RNF180: variants seen among roughly 807,000 people sequenced by gnomAD.
RNF180 encodes the protein ring finger protein 180.
Under a neutral mutation model 59.2 loss-of-function variants are expected in RNF180, and 38 were observed. The observed-to-expected ratio is 0.64, with a 90% confidence interval of 0.50 to 0.84. The LOEUF is 0.84. Ranked by LOEUF, RNF180 falls within the 40% of genes least tolerant of loss-of-function variation. RNF180 has a pLI of 0.00. For missense variants in RNF180, 705 were observed against 700.9 expected, an observed-to-expected ratio of 1.01 and a Z score of -0.07; for synonymous variants, 262 against 240.3, an observed-to-expected ratio of 1.09 and a Z score of -0.84.
chr5:64,291,467 C>G lies in RNF180; in HGVS notation c.1228-33719C>G, dbSNP rs1465100439. ...TGAGGCGGAGTCTCGATCTGTTGCC[C>G]AGGCTGGAGTGCAGTGGTGCGATCT... On this transcript the variant is annotated intron_variant, in intron 5 of 7. Transcript: ENST00000389100. Among the ~76,000 whole-genome samples, 79 of 139,238 alleles carry G rather than the reference C, an allele frequency of 5.7e-4. 1 individual carries two copies. Among genetic ancestry groups the G allele is most frequent in the African/African-American group, 2.1e-3 (75 of 36,434 alleles). 91.3% of individuals were successfully genotyped at this position (139,238 alleles called of 152,430 possible). A position where few individuals can be genotyped will look rare whatever the true frequency, so the allele number is the denominator to read the frequency against.
rs532716446 is a variant in RNF180, at chr5:64,214,410, A to G, written c.1084A>G (p.Asn362Asp). Residue 362 changes from asparagine to aspartate, a missense_variant, in exon 4 of 8, where the codon AAT (asparagine) becomes GAT (aspartate). Physicochemically the swap from Asn to Asp is conservative, Grantham distance 23. Coordinates refer to ENST00000389100, the MANE Select transcript of RNF180 (RefSeq NM_001113561.2). ...LSPLDFLHSA[N>D]FSLGSINQRL... ...CCCTCTGGACTTCCTGCACTCAGCC[A>G]ATTTTTCATTGGGCAGCATTAATCA... 1.2e-6 allele frequency: 2 copies of G among 1,614,088 alleles called. No homozygotes were observed. The highest frequency in any genetic ancestry group is 3.3e-5 in the Admixed American group (2 of 59,956).
intron 5 of RNF180, among the ~76,000 whole-genome samples, chr5:64,239,425 G>A (rs912913563): frequency 1.3e-5 from 2 of 152,080 alleles, no homozygotes; most frequent in African/African-American, 2.4e-5. Context: ...TTTGCTGCAC[G>A]TTACATTTTC....
intron 5 of RNF180, among the ~76,000 whole-genome samples, chr5:64,246,517 T>C (rs1450924920): frequency 6.6e-6 from 1 of 152,098 alleles, no homozygotes; most frequent in African/African-American, 2.4e-5. Context: ...CTAGAAGAAA[T>C]GGATAAATTC....
intron 7 of RNF180, among the ~76,000 whole-genome samples, chr5:64,346,662 C>G (rs1745573386): frequency 6.6e-6 from 1 of 151,950 alleles, no homozygotes; most frequent in African/African-American, 2.4e-5. Context: ...GAGCCACTGT[C>G]CCTGGCCTAG....
chr5:64,188,322 C>T (rs922066125), intron 1 of RNF180, among the ~76,000 whole-genome samples: 5 of 151,932 alleles, frequency 3.3e-5, no homozygotes, highest in African/African-American at 1.2e-4. Flanking sequence ...GACATAAGGT[C>T]CTGAGCACTT....
chr5:64,217,397 G>T lies in RNF180; in HGVS notation c.1227+1G>T. 1 of 1,412,812 alleles carries T rather than the reference G, an allele frequency of 7.1e-7. No homozygotes were observed. The allele number at this position is 1,412,812 out of a possible 1,614,324, so 87.5% of individuals were successfully genotyped here. ...AGGAGTGGGATTGCTGGATCATATG[G>T]TAAGTATATATTTACTTATATGAGA... On this transcript the variant is annotated splice_donor_variant, in intron 5 of 7. Coordinates refer to ENST00000389100, the MANE Select transcript of RNF180 (RefSeq NM_001113561.2). LOFTEE classifies it high-confidence loss of function.
intron 5 of RNF180, among the ~76,000 whole-genome samples, chr5:64,246,272 G>A (rs368180372): frequency 6.6e-6 from 1 of 152,026 alleles, no homozygotes; most frequent in East Asian, 1.9e-4. Context: ...GATTAGAGCA[G>A]AATTGAAGGA....
chr5:64,312,619 A>G (rs1743824237), intron 5 of RNF180, among the ~76,000 whole-genome samples: 2 of 152,108 alleles, frequency 1.3e-5, no homozygotes, highest in Non-Finnish European at 2.9e-5. Context: ...GTTCAGCATC[A>G]GTAAGGCAAC....
At chr5:64,328,315 T>C (rs888456490) in intron 6 of RNF180, among the ~76,000 whole-genome samples, 3 of 152,212 alleles carry the variant, frequency 2.0e-5, no homozygotes, top group Admixed American at 2.0e-4. Context: ...TTTGATAACT[T>C]CTTTCACTTT....
chr5:64,279,056 A>G (rs1441741028), intron 5 of RNF180, among the ~76,000 whole-genome samples: 1 of 152,232 alleles, frequency 6.6e-6, no homozygotes, highest in African/African-American at 2.4e-5. Flanking sequence ...CTCAAGGAGA[A>G]TGTATACTGT....
chr5:64,300,262 A>G (rs1400744366), intron 5 of RNF180, among the ~76,000 whole-genome samples: 8 of 151,774 alleles, frequency 5.3e-5, no homozygotes, highest in African/African-American at 1.9e-4. Flanking sequence ...AAGGAAAAAA[A>G]TTTGTGCTAG....
At chr5:64,262,480 C>A (rs921789981) in intron 5 of RNF180, among the ~76,000 whole-genome samples, 5 of 152,114 alleles carry the variant, frequency 3.3e-5, no homozygotes, top group African/African-American at 1.2e-4. Context: ...AGAAATTGAT[C>A]ACCCGTCTCT....
At chr5:64,348,059 G>T (rs1057233529) in intron 7 of RNF180, among the ~76,000 whole-genome samples, 9 of 152,002 alleles carry the variant, frequency 5.9e-5, no homozygotes, top group African/African-American at 2.2e-4. Context: ...TGTATCTTAT[G>T]CATTTCTGGT....
intron 5 of RNF180, among the ~76,000 whole-genome samples, chr5:64,223,275 C>T (rs1344991971): frequency 6.6e-6 from 1 of 152,118 alleles, no homozygotes; most frequent in Non-Finnish European, 1.5e-5. Context: ...CTTTAAGGAC[C>T]CTTGTGATTA....
intron 2 of RNF180, among the ~76,000 whole-genome samples, chr5:64,209,610 TA>T (rs1752200590): frequency 6.6e-6 from 1 of 152,070 alleles, no homozygotes; most frequent in Non-Finnish European, 1.5e-5. Flanking sequence ...TCTATTATTC[TA>T]CCAGTGTAGA....
At chr5:64,364,200 A>G (rs1746361867) in intron 7 of RNF180, among the ~76,000 whole-genome samples, 3 of 151,834 alleles carry the variant, frequency 2.0e-5, no homozygotes, top group Non-Finnish European at 4.4e-5. Context: ...CCGATTCAGT[A>G]TGATGTTGGC....
chr5:64,193,545 T>A (rs1341068130), intron 1 of RNF180, among the ~76,000 whole-genome samples: 1 of 152,216 alleles, frequency 6.6e-6, no homozygotes, highest in African/African-American at 2.4e-5. Context: ...CAGCATTACA[T>A]TAGATCTTTC....
intron 5 of RNF180, among the ~76,000 whole-genome samples, chr5:64,275,788 C>T (rs931111968): frequency 2.0e-5 from 3 of 151,934 alleles, no homozygotes; most frequent in African/African-American, 7.2e-5. Flanking sequence ...GGTCACTGTA[C>T]TTTCTTTATT....
chr5:64,187,702 T>C (rs1750940937), intron 1 of RNF180, among the ~76,000 whole-genome samples: 2 of 152,168 alleles, frequency 1.3e-5, no homozygotes, highest in Admixed American at 1.3e-4. Context: ...AACAGTAATA[T>C]GAGAGGGATC....
Sources: gnomAD v4.1 joint callset for allele counts (sites outside exome capture counted in the v4.1 genomes callset) on GRCh38, gnomAD v4.1.1 for gene constraint, MANE v1.5 for transcripts, NCBI Gene and HGNC (gene_info 2026-07-23, HGNC 2026-07-21) for gene names.